The following MAP4K4 variants were observed in gnomAD, a reference collection of about 807,000 sequenced individuals.
The protein encoded by MAP4K4 is HPK/GCK-like kinase HGK.
A neutral mutation model predicts 189.6 loss-of-function variants in MAP4K4; 38 were observed. The ratio of observed to expected loss-of-function variants is 0.20; its 90% CI spans 0.15 to 0.26. The LOEUF (loss-of-function observed/expected upper bound fraction) is 0.26, where lower values mean the gene tolerates loss of function less well. Ranked by LOEUF, MAP4K4 falls within the 10% of genes least tolerant of loss-of-function variation. The pLI, the probability that MAP4K4 is intolerant of heterozygous loss-of-function variation, is 1.00. For missense variants in MAP4K4, 1,054 were observed against 1,726.9 expected (o/e 0.61, Z 6.91); for synonymous variants, 610 against 624.3 (o/e 0.98, Z 0.34).
At chr2:101,802,275 G>A (rs999633881) in intron 3 of MAP4K4, among the ~76,000 whole-genome samples, 1 of 152,046 alleles carries the variant, frequency 6.6e-6, no homozygotes, top group Non-Finnish European at 1.5e-5. Context: ...CCTCTATCAC[G>A]AGCCTCCTGC....
chr2:101,863,904 A>G, exon 17 of MAP4K4: 1 of 1,367,502 alleles, frequency 7.3e-7, no homozygotes, highest in Non-Finnish European at 9.8e-7. Flanking sequence ...CTTCTCCCAA[A>G]TTTGCACACC....
chr2:101,839,375 C>G (rs2096855156), intron 9 of MAP4K4, among the ~76,000 whole-genome samples: 3 of 152,118 alleles, frequency 2.0e-5, no homozygotes, highest in Non-Finnish European at 4.4e-5. Flanking sequence ...TTCAAGAGAC[C>G]CAGCATTTCG....
intron 12 of MAP4K4, among the ~76,000 whole-genome samples, chr2:101,849,236 G>C (rs2097203137): frequency 6.6e-6 from 1 of 152,030 alleles, no homozygotes; most frequent in South Asian, 2.1e-4. Flanking sequence ...GATCCTCCTG[G>C]CTCTACCTCT....
At chr2:101,865,009 G>T (rs867003204) in exon 18 of MAP4K4, 1 of 1,570,130 alleles carries the variant, frequency 6.4e-7, no homozygotes, top group Non-Finnish European at 8.6e-7. Context: ...CAGCAGAATA[G>T]CCAGGCAGGA....
intron 3 of MAP4K4, among the ~76,000 whole-genome samples, chr2:101,804,222 T>C (rs1021530962): frequency 1.3e-5 from 2 of 152,208 alleles, no homozygotes; most frequent in Non-Finnish European, 1.5e-5. Flanking sequence ...GCTGTAATCC[T>C]GCTCCCAAGC....
intron 2 of MAP4K4, among the ~76,000 whole-genome samples, chr2:101,753,719 A>G (rs1050094120): frequency 6.6e-6 from 1 of 151,392 alleles, no homozygotes; most frequent in Non-Finnish European, 1.5e-5. Flanking sequence ...AGTCTGGAAG[A>G]CAGTCTGTTT....
intron 2 of MAP4K4, among the ~76,000 whole-genome samples, chr2:101,790,459 A>G (rs1007716145): frequency 6.6e-6 from 1 of 152,214 alleles, no homozygotes; most frequent in Non-Finnish European, 1.5e-5. Flanking sequence ...AGTGTTATGT[A>G]AATTAAACCT....
chr2:101,767,945 GACTT>G (rs2079384166), intron 2 of MAP4K4, among the ~76,000 whole-genome samples: 2 of 152,240 alleles, frequency 1.3e-5, no homozygotes, highest in Admixed American at 1.3e-4. Context: ...GGATTTGGTG[GACTT>G]ACTATAAATC....
chr2:101,807,946 C>A (rs1463107155), intron 3 of MAP4K4, among the ~76,000 whole-genome samples: 1 of 152,218 alleles, frequency 6.6e-6, no homozygotes, highest in Non-Finnish European at 1.5e-5. Flanking sequence ...GATCTAGTTA[C>A]CTCCAGGCCC....
intron 2 of MAP4K4, among the ~76,000 whole-genome samples, chr2:101,782,324 C>A (rs1466359622): frequency 3.3e-5 from 5 of 152,142 alleles, no homozygotes; most frequent in Non-Finnish European, 7.3e-5. Context: ...ACATTGCCTG[C>A]AATTGAGGTA....
Position 101,755,935 on chromosome 2 carries a change from T to C in MAP4K4, c.124-34785T>C, listed in dbSNP as rs1014071068. ...TATAGTATGAGTTCTTTTTCTTTTT[T>C]TTTTTTTTTTTTTTTTTTTTTTTGA... On this transcript the variant is annotated intron_variant, in intron 2 of 32. Coordinates refer to ENST00000324219, the Ensembl canonical transcript of MAP4K4. 1.6e-4 allele frequency among the ~76,000 whole-genome samples: 20 copies of C among 122,842 alleles called. 1 individual carries two copies. Among genetic ancestry groups the C allele is most frequent in the South Asian group, 1.5e-3 (5 of 3,344 alleles). The allele number at this position is 122,842 out of a possible 152,430, so 80.6% of individuals were successfully genotyped here.
At chr2:101,758,871 C>T (rs531718139) in intron 2 of MAP4K4, among the ~76,000 whole-genome samples, 45 of 152,162 alleles carry the variant, frequency 3.0e-4, no homozygotes, top group African/African-American at 9.4e-4. Flanking sequence ...CGGTGGCTCA[C>T]GCCTGTAATC....
intron 12 of MAP4K4, among the ~76,000 whole-genome samples, chr2:101,849,625 C>CT (rs370459029): frequency 0.38 from 54,945 of 143,262 alleles, 12,016 homozygotes; most frequent in East Asian, 0.61. Flanking sequence ...GTTTTGTGCT[C>CT]TTTTTTTTTT....
intron 12 of MAP4K4, among the ~76,000 whole-genome samples, chr2:101,849,232 C>G (rs2097203066): frequency 6.6e-6 from 1 of 152,192 alleles, no homozygotes; most frequent in Admixed American, 6.5e-5. Context: ...AAGTGATCCT[C>G]CTGGCTCTAC....
At chr2:101,800,630 A>C (rs1462207298) in intron 3 of MAP4K4, among the ~76,000 whole-genome samples, 3 of 152,318 alleles carry the variant, frequency 2.0e-5, no homozygotes, top group South Asian at 2.1e-4. Flanking sequence ...TGCTTTGTTC[A>C]GATATAATTT....
At chr2:101,770,140 T>G (rs1294289003) in intron 2 of MAP4K4, among the ~76,000 whole-genome samples, 1 of 152,218 alleles carries the variant, frequency 6.6e-6, no homozygotes, top group African/African-American at 2.4e-5. Context: ...CAAATAAGTT[T>G]TGTAGATATC....
At chr2:101,852,102 G>A (rs1483790815) in intron 12 of MAP4K4, among the ~76,000 whole-genome samples, 5 of 151,524 alleles carry the variant, frequency 3.3e-5, no homozygotes, top group Non-Finnish European at 5.9e-5. Flanking sequence ...GTACTTTAGA[G>A]GACCTTATAC....
chr2:101,712,769 T>C (rs937041146), intron 2 of MAP4K4, among the ~76,000 whole-genome samples: 1 of 152,118 alleles, frequency 6.6e-6, no homozygotes, highest in African/African-American at 2.4e-5. Flanking sequence ...GTGCAGGGAT[T>C]ACAGGTGTGA....
At chr2:101,743,573 G>T (rs571848903) in intron 2 of MAP4K4, among the ~76,000 whole-genome samples, 2 of 152,102 alleles carry the variant, frequency 1.3e-5, no homozygotes, top group South Asian at 4.2e-4. Flanking sequence ...TTTCCATTCT[G>T]CCCTCCCCAC....
Sources: gnomAD v4.1 joint callset for allele counts (sites outside exome capture counted in the v4.1 genomes callset) on GRCh38, gnomAD v4.1.1 for gene constraint, MANE v1.5 for transcripts, NCBI Gene and HGNC (gene_info 2026-07-23, HGNC 2026-07-21) for gene names.